The following HPS6 variants were observed in gnomAD, a reference collection of about 807,000 sequenced individuals.
HPS6 encodes the protein BLOC-2 complex member HPS6.
A neutral mutation model predicts 53.6 loss-of-function variants in HPS6; 46 were observed. The observed-to-expected ratio is 0.86, with a 90% CI of 0.68 to 1.10. The LOEUF (loss-of-function observed/expected upper bound fraction) is 1.10, where lower values mean the gene tolerates loss of function less well. Ranked by LOEUF, HPS6 falls within the 50% of genes least tolerant of loss-of-function variation. HPS6 has a pLI of 0.00. For synonymous variants in HPS6, 535 were observed against 470.8 expected (o/e 1.14, Z -1.77); for missense variants, 1,034 against 991.3 (o/e 1.04, Z -0.58).
Position 102,066,490 on chromosome 10 carries a change from G to T in HPS6, c.1016G>T (p.Ser339Ile). 6.2e-7 allele frequency: 1 copy of T among 1,614,242 alleles called. No individual in the cohort carries two copies. Among genetic ancestry groups the T allele is most frequent in the Non-Finnish European group, 8.5e-7 (1 of 1,180,044 alleles). The stretch of plus-strand genomic sequence containing the variant: ...ACATTGGAACTGCTGGACATGGGCA[G>T]TGGGCAGCTGCTGGAGAGGAAGGTC... ...GSTLELLDMG[S>I]GQLLERKVLS... The change falls in exon 1 of 1, where the codon AGT (serine) becomes ATT (isoleucine). Residue 339 changes from serine to isoleucine, a missense_variant. Coordinates refer to ENST00000299238, the MANE Select transcript of HPS6 (RefSeq NM_024747.6).
At position 102,067,755 on chromosome 10, in the gene HPS6, C is replaced by G. The variant is rs368158267; in HGVS notation, c.2281C>G (p.Leu761Val). The change falls in exon 1 of 1, where the codon CTA becomes GTA. Residue 761 changes from leucine to valine, a missense_variant. Leu to Val is a conservative substitution (Grantham distance 32). Coordinates refer to ENST00000299238, the MANE Select transcript of HPS6 (RefSeq NM_024747.6). ...AGTTCTAAGCCCATATGAGGACATC[C>G]TATGGGACCCCAGCACTCCACCCCC... The part of the protein sequence containing the change: ...GPVLSPYEDI[L>V]WDPSTPPPTP... 1 of 1,613,122 alleles carries G rather than the reference C, an allele frequency of 6.2e-7. No homozygotes were observed. The highest frequency in any genetic ancestry group is 1.3e-5 in the African/African-American group (1 of 75,044).
rs747009102 is a variant in HPS6 at position 102,065,511 on chromosome 10, C to G, written c.37C>G (p.Leu13Val). 1.3e-5 allele frequency: 20 copies of G among 1,556,930 alleles called. No homozygotes were observed. Among genetic ancestry groups the G allele is most frequent in the Non-Finnish European group, 1.6e-5 (19 of 1,163,142 alleles). The change falls in exon 1 of 1, where the codon CTG (leucine) becomes GTG (valine). Residue 13 changes from leucine to valine, a missense_variant. Coordinates refer to ENST00000299238, the MANE Select transcript of HPS6 (RefSeq NM_024747.6). ...RSGTLRLLSD[L>V]SAFGGAARLR... is the part of the protein sequence containing the mutation. ...GGGGACTCTGCGGCTGCTCTCGGAC[C>G]TGAGCGCCTTCGGCGGCGCGGCGCG... is the stretch of plus-strand genomic sequence containing the variant.
Position 102,067,553 on chromosome 10 carries a change from C to A in HPS6, c.2079C>A (p.Arg693=), listed in dbSNP as rs202134132. The change falls in exon 1 of 1, where the codon CGC becomes CGA. Residue 693 remains arginine, a synonymous_variant. Transcript: ENST00000299238. ...ATGCTCACCTCCCCCTCCTTTGCCG[C>A]CTGTGCCCACCAGAACTGGCTCCAG... ...RLDAHLPLLC[R]LCPPELAPAE... is the part of the protein sequence containing the mutation. The A allele has an allele frequency of 1.7e-5, 27 of 1,613,712 alleles. No individual in the cohort carries two copies. In the African/African-American group the frequency reaches 3.5e-4, roughly 21 times the overall value.
chr10:102,065,994 G>T lies in HPS6; in HGVS notation c.520G>T (p.Ala174Ser). ...CCGGACTCTGGAGCCCAGCGGGGAA[G>T]CTAGCACCAGCCTGGGCCGCACACA... The part of the protein sequence containing the change: ...CVRTLEPSGE[A>S]STSLGRTHVL... Residue 174 changes from alanine (A) to serine (S), a missense_variant, in exon 1 of 1, where the codon GCT becomes TCT. By Grantham distance (99) the Ala-to-Ser change is moderately conservative (BLOSUM62 1). Transcript: ENST00000299238. The T allele has an allele frequency of 6.2e-7, 1 of 1,601,694 alleles. No individual in the cohort carries two copies.
chr10:102,065,417 G>C lies in HPS6; in HGVS notation c.-58G>C, dbSNP rs568093725. The C allele has an allele frequency of 1.0e-5, 15 of 1,494,996 alleles. No homozygotes were observed. In the East Asian group the frequency reaches 3.5e-4, roughly 35 times the overall value. The allele number at this position is 1,494,996 out of a possible 1,614,324, so 92.6% of individuals were successfully genotyped here. A position where few individuals can be genotyped will look rare whatever the true frequency, so the allele number is the denominator to read the frequency against. ...TCCGCTCCCCCGAGAATCGGGCCTC[G>C]CCCTGCTGGGCGGCTGGACCTGGGC... On this transcript the variant is annotated 5_prime_UTR_variant, in exon 1 of 1. Transcript: ENST00000299238.
In HPS6 at chr10:102,067,583, G is replaced by C; in HGVS notation, c.2109G>C (p.Glu703Asp). 1 of 1,613,728 alleles carries C rather than the reference G, an allele frequency of 6.2e-7. No individual in the cohort carries two copies. The highest frequency in any genetic ancestry group is 8.5e-7 in the Non-Finnish European group (1 of 1,180,032). The part of the protein sequence containing the change: ...RLCPPELAPA[E>D]LLLLLRTYLP... ...GCCCACCAGAACTGGCTCCAGCTGA[G>C]CTCCTGCTTCTACTGAGGACATACC... Residue 703 changes from glutamate (E) to aspartate (D), a missense_variant, in exon 1 of 1, where the codon GAG becomes GAC. Glu to Asp is a conservative substitution (Grantham distance 45). Transcript: ENST00000299238.
chr10:102,066,987 C>T lies in HPS6; in HGVS notation c.1513C>T (p.Gln505Ter), dbSNP rs753804000. Residue 505 changes from glutamine (Q) to a stop codon, truncating the protein, a stop_gained, in exon 1 of 1, where the codon CAG becomes TAG. Transcript: ENST00000299238. LOFTEE classifies it high-confidence loss of function. ...TGAGTTGATAGGAGACCAGCTAGCC[C>T]AGCTCAACACCGTTTTCCAAGCCCT... ...RTELIGDQLA[Q>*]LNTVFQALPT... The T allele has an allele frequency of 1.9e-6, 3 of 1,614,062 alleles. No individual in the cohort carries two copies. Among genetic ancestry groups the T allele is most frequent in the South Asian group, 1.1e-5 (1 of 91,088 alleles).
chr10:102,067,163 C>T lies in HPS6; in HGVS notation c.1689C>T (p.Pro563=). The T allele has an allele frequency of 6.2e-7, 1 of 1,613,672 alleles. No homozygotes were observed. The highest frequency in any genetic ancestry group is 8.5e-7 in the Non-Finnish European group (1 of 1,180,026). ...AGGAACCCCCCAATGGAATACTGCC[C>T]CCCTTTGAACTCCTGTGCCAGTGTC... ...AGKEPPNGIL[P]PFELLCQCLC... The change falls in exon 1 of 1, where the codon CCC becomes CCT. Residue 563 remains proline, a synonymous_variant. Coordinates refer to ENST00000299238, the MANE Select transcript of HPS6 (RefSeq NM_024747.6).
Position 102,067,574 on chromosome 10 carries a change from T to C in HPS6, c.2100T>C (p.Ala700=). 1.9e-6 allele frequency: 3 copies of C among 1,613,760 alleles called. No individual in the cohort carries two copies. In the East Asian group the frequency reaches 6.7e-5, roughly 36 times the overall value. Reference sequence around the variant, plus strand: ...GCCGCCTGTGCCCACCAGAACTGGCTCCAGCTGAGCTCCTGCTTCTACTGA... The same window carrying C: ...GCCGCCTGTGCCCACCAGAACTGGCCCCAGCTGAGCTCCTGCTTCTACTGA... The part of the protein sequence containing the change: ...LLCRLCPPEL[A]PAELLLLLRT... Residue 700 remains alanine, a synonymous_variant, in exon 1 of 1, where the codon GCT becomes GCC. Transcript: ENST00000299238.
Position 102,065,895 on chromosome 10 carries a change from TGCGAGGAGCG to T in HPS6, c.424_433del (p.Glu142ArgfsTer82), listed in dbSNP as rs2067964855. The T allele has an allele frequency of 6.5e-7, 1 of 1,539,930 alleles. No individual in the cohort carries two copies. The highest frequency in any genetic ancestry group is 2.0e-5 in the Admixed American group (1 of 51,272). The stretch of plus-strand genomic sequence containing the variant: ...GGCGCTCCGAGGCCGCCTGGTGTGG[TGCGAGGAGCG>T]GCAGGCCCGGGCCGAGGGCCCGTCA... On this transcript the variant is annotated frameshift_variant, in exon 1 of 1. Transcript: ENST00000299238. LOFTEE classifies it high-confidence loss of function.
rs747004661 is a variant in HPS6 at position 102,066,670 on chromosome 10, C to T, written c.1196C>T (p.Ala399Val). The T allele has an allele frequency of 1.2e-6, 2 of 1,613,928 alleles. No individual in the cohort carries two copies. The highest frequency in any genetic ancestry group is 2.2e-5 in the South Asian group (2 of 91,088). ...EAPQGVELPSAKDLVFEEACG... is the reference protein window; with the variant it reads ...EAPQGVELPSVKDLVFEEACG... ...CCACAGGGTGTTGAGTTGCCTTCAG[C>T]CAAGGATCTGGTGTTTGAGGAGGCC... Residue 399 changes from alanine (A) to valine (V), a missense_variant, in exon 1 of 1, where the codon GCC (alanine) becomes GTC (valine). Physicochemically the swap from Ala to Val is moderately conservative, Grantham distance 64. Coordinates refer to ENST00000299238, the MANE Select transcript of HPS6 (RefSeq NM_024747.6).
Position 102,067,649 on chromosome 10 carries a change from T to G in HPS6, c.2175T>G (p.Pro725=), listed in dbSNP as rs368314316. 42 of 1,613,850 alleles carry G rather than the reference T, an allele frequency of 2.6e-5. No homozygotes were observed. The highest frequency in any genetic ancestry group is 3.6e-5 in the Non-Finnish European group (42 of 1,180,042). ...EVGPPTPFPE[P]GAEPPLTVGL... Reference sequence around the variant, plus strand: ...GGCCCCCAACCCCATTCCCTGAGCCTGGAGCAGAGCCCCCTCTCACTGTGG... The same window carrying G: ...GGCCCCCAACCCCATTCCCTGAGCCGGGAGCAGAGCCCCCTCTCACTGTGG... The change falls in exon 1 of 1, where the codon CCT becomes CCG. Residue 725 remains proline, a synonymous_variant. Transcript: ENST00000299238.
Position 102,065,653 on chromosome 10 carries a change from C to A in HPS6, c.179C>A (p.Ser60Ter). 6.5e-7 allele frequency: 1 copy of A among 1,538,164 alleles called. No homozygotes were observed. Among genetic ancestry groups the A allele is most frequent in the South Asian group, 1.2e-5 (1 of 83,960 alleles). Residue 60 changes from serine to a stop codon, truncating the protein, a stop_gained, in exon 1 of 1, where the codon TCG becomes TAG. Transcript: ENST00000299238. LOFTEE classifies it high-confidence loss of function. ...GAVAPQLLVA[S>*]RGPGAELERA... is the part of the protein sequence containing the mutation. ...GTAGCCCCACAGCTGCTAGTCGCGT[C>A]GCGAGGGCCCGGCGCGGAGCTAGAG...
rs774206083 is a variant in HPS6 at position 102,066,388 on chromosome 10, A to G, written c.914A>G (p.Gln305Arg). 2 of 1,613,998 alleles carry G rather than the reference A, an allele frequency of 1.2e-6. No homozygotes were observed. Among genetic ancestry groups the G allele is most frequent in the Non-Finnish European group, 1.7e-6 (2 of 1,180,002 alleles). ...GGTACGCGGGCTGTGGGCACCCTGC[A>G]GGAGGCACCTGTAGGCCCGTGGGGG... is the stretch of plus-strand genomic sequence containing the variant. Reference protein sequence around the residue: ...HGGTRAVGTLQEAPVGPWGSA... With the variant: ...HGGTRAVGTLREAPVGPWGSA... Residue 305 changes from glutamine (Q) to arginine (R), a missense_variant, in exon 1 of 1, where the codon CAG becomes CGG. Gln to Arg is a conservative substitution (Grantham distance 43, BLOSUM62 1). Coordinates refer to ENST00000299238, the MANE Select transcript of HPS6 (RefSeq NM_024747.6).
chr10:102,066,876 C>A lies in HPS6; in HGVS notation c.1402C>A (p.Leu468Met). Reference sequence around the variant, plus strand: ...TCGGGATTACCGAGGCTTAGAACAGCTGAAGGCCCAGCTGGTGGCTGGGGA... The same window carrying A: ...TCGGGATTACCGAGGCTTAGAACAGATGAAGGCCCAGCTGGTGGCTGGGGA... ...ELRDYRGLEQ[L>M]KAQLVAGDDE... The change falls in exon 1 of 1, where the codon CTG (leucine) becomes ATG (methionine). Residue 468 changes from leucine to methionine, a missense_variant. Transcript: ENST00000299238. The A allele has an allele frequency of 6.2e-7, 1 of 1,614,248 alleles. No homozygotes were observed. Among genetic ancestry groups the A allele is most frequent in the Non-Finnish European group, 8.5e-7 (1 of 1,180,036 alleles).
chr10:102,066,713 G>T lies in HPS6; in HGVS notation c.1239G>T (p.Arg413=). 6.2e-7 allele frequency: 1 copy of T among 1,613,912 alleles called. No individual in the cohort carries two copies. Among genetic ancestry groups the T allele is most frequent in the Non-Finnish European group, 8.5e-7 (1 of 1,179,990 alleles). Residue 413 remains arginine, a synonymous_variant, in exon 1 of 1, where the codon CGG becomes CGT. Transcript: ENST00000299238. ...AGGAGGCCTGCGGGTACTACCAGCG[G>T]CGGAGCCTGCGGGGTGCCCAGCTCA... ...VFEEACGYYQ[R]RSLRGAQLTP...
Position 102,066,429 on chromosome 10 carries a change from A to G in HPS6, c.955A>G (p.Thr319Ala), listed in dbSNP as rs1334335814. 1 of 1,614,094 alleles carries G rather than the reference A, an allele frequency of 6.2e-7. No homozygotes were observed. Among genetic ancestry groups the G allele is most frequent in the Non-Finnish European group, 8.5e-7 (1 of 1,180,022 alleles). The change falls in exon 1 of 1, where the codon ACA becomes GCA. Residue 319 changes from threonine (T) to alanine (A), a missense_variant. Thr to Ala is a moderately conservative substitution (Grantham distance 58, BLOSUM62 0). Transcript: ENST00000299238. Reference protein sequence around the residue: ...VGPWGSAALGTFQGTLACVLG... With the variant: ...VGPWGSAALGAFQGTLACVLG... Reference sequence around the variant, plus strand: ...CCCGTGGGGGTCTGCAGCCCTAGGCACATTTCAGGGCACTCTGGCCTGTGT... The same window carrying G: ...CCCGTGGGGGTCTGCAGCCCTAGGCGCATTTCAGGGCACTCTGGCCTGTGT...
chr10:102,067,882 CACTG>C lies in HPS6; in HGVS notation c.*83_*86del. 6.7e-7 allele frequency: 1 copy of C among 1,495,060 alleles called. No homozygotes were observed. Among genetic ancestry groups the C allele is most frequent in the Non-Finnish European group, 9.3e-7 (1 of 1,073,192 alleles). The allele number at this position is 1,495,060 out of a possible 1,614,324, so 92.6% of individuals were successfully genotyped here. A position where few individuals can be genotyped will look rare whatever the true frequency, so the allele number is the denominator to read the frequency against. ...GCTTGCTTGGACAGTTCCTCTGTGT[CACTG>C]ACACAGGAAATCATTTCTAGGACAC... On this transcript the variant is annotated 3_prime_UTR_variant, in exon 1 of 1. Transcript: ENST00000299238.
Position 102,067,958 on chromosome 10 carries a change from A to G in HPS6, c.*156A>G. On this transcript the variant is annotated 3_prime_UTR_variant, in exon 1 of 1. Coordinates refer to ENST00000299238, the MANE Select transcript of HPS6 (RefSeq NM_024747.6). ...GGGACTTGGAGGGTCCCATGTATGGACCTGTGTATGCAATACTGTTCTGTC... is the reference window on the plus strand; with the variant it reads ...GGGACTTGGAGGGTCCCATGTATGGGCCTGTGTATGCAATACTGTTCTGTC... 2.5e-6 allele frequency: 2 copies of G among 811,302 alleles called. No homozygotes were observed. The highest frequency in any genetic ancestry group is 4.3e-6 in the Non-Finnish European group (2 of 468,864). The allele number at this position is 811,302 out of a possible 1,614,324, so 50.3% of individuals were successfully genotyped here.
Sources: gnomAD v4.1 joint callset for allele counts on GRCh38, gnomAD v4.1.1 for gene constraint, MANE v1.5 for transcripts, NCBI Gene and HGNC (gene_info 2026-07-23, HGNC 2026-07-21) for gene names.